MTHFD1L: variants seen among roughly 807,000 people sequenced by gnomAD.
MTHFD1L encodes the protein monofunctional C1-tetrahydrofolate synthase, mitochondrial.
MTHFD1L carries 81 observed loss-of-function variants against 119.5 expected under a neutral mutation model. The observed-to-expected ratio is 0.68, with a 90% CI of 0.57 to 0.82. The LOEUF (loss-of-function observed/expected upper bound fraction) is 0.82, where lower values mean the gene tolerates loss of function less well. Among genes scored for constraint, MTHFD1L ranks in the 40% least tolerant of loss-of-function variants. The pLI is 0.00. For synonymous variants in MTHFD1L, 430 were observed against 475.2 expected (o/e 0.90, Z 1.24); for missense variants, 1,125 against 1,253.4 (o/e 0.90, Z 1.55).
rs1791387340 is a variant in MTHFD1L, at chr6:150,932,874, A to AAGAAG, written c.1257-3930_1257-3929insAGAAG. On this transcript the variant is annotated intron_variant, in intron 11 of 27. Coordinates refer to ENST00000367321, the MANE Select transcript of MTHFD1L (RefSeq NM_015440.5). ...AGAGTAATTAGATTACCTTAAGGAA[A>AAGAAG]GAAGGAAGGAAGGAAGGAAGGAAAA... Among the ~76,000 whole-genome samples, 3 of 144,998 alleles carry AAGAAG rather than the reference A, an allele frequency of 2.1e-5. No homozygotes were observed. In the South Asian group the frequency reaches 6.7e-4, roughly 32 times the overall value.
intron 20 of MTHFD1L, among the ~76,000 whole-genome samples, chr6:150,980,159 A>G (rs1777237861): frequency 6.6e-6 from 1 of 152,142 alleles, no homozygotes; most frequent in Non-Finnish European, 1.5e-5. Context: ...CAAGGTTGAG[A>G]AGTGCTGGCT....
chr6:151,074,231 T>A (rs987535219), intron 26 of MTHFD1L, among the ~76,000 whole-genome samples: 2 of 152,208 alleles, frequency 1.3e-5, no homozygotes, highest in African/African-American at 4.8e-5. Flanking sequence ...CAAAAAGTGT[T>A]ACAGAAATTC....
chr6:150,998,513 G>A (rs996741905), intron 20 of MTHFD1L, among the ~76,000 whole-genome samples: 5 of 151,478 alleles, frequency 3.3e-5, no homozygotes, highest in African/African-American at 1.2e-4. Context: ...TGTTTACACA[G>A]GTTAAGCATC....
chr6:151,095,101 G>T (rs184374065), intron 27 of MTHFD1L, among the ~76,000 whole-genome samples: 2 of 152,294 alleles, frequency 1.3e-5, no homozygotes, highest in African/African-American at 4.8e-5. Context: ...GCTGAGGAGC[G>T]GGAGCTGTGT....
intron 26 of MTHFD1L, among the ~76,000 whole-genome samples, chr6:151,082,368 C>G (rs748226084): frequency 1.2e-4 from 19 of 152,210 alleles, no homozygotes; most frequent in Admixed American, 1.0e-3. Flanking sequence ...TTCTCTCTTA[C>G]AGCCTTATCT....
intron 16 of MTHFD1L, among the ~76,000 whole-genome samples, chr6:150,952,349 T>C: frequency 6.6e-6 from 1 of 152,236 alleles, no homozygotes; most frequent in South Asian, 2.1e-4. Context: ...TAGGGTTTTT[T>C]GGCTTAAACC....
chr6:150,866,654 G>A (rs1166794273), intron 1 of MTHFD1L: 3 of 1,196,124 alleles, frequency 2.5e-6, no homozygotes, highest in Non-Finnish European at 3.1e-6. Context: ...GGGCCCCCGG[G>A]ACAGCCGCCG....
intron 26 of MTHFD1L, among the ~76,000 whole-genome samples, chr6:151,091,028 G>GACTGGGTGCAGCATCGCCCCATGCA (rs1794360338): frequency 7.5e-6 from 1 of 133,552 alleles, no homozygotes; most frequent in Non-Finnish European, 1.6e-5. Context: ...CGTTCCATGC[G>GACTGGGTGCAGCATCGCCCCATGCA]ACTGGGTGCA....
At chr6:150,949,247 C>A in intron 16 of MTHFD1L, 114 bp downstream of exon 16, 3 of 762,526 alleles carry the variant, frequency 3.9e-6, no homozygotes, top group South Asian at 1.7e-5. Context: ...TCTTCCCAGC[C>A]TGTGCTTCAT....
chr6:151,043,040 T>C (rs1787367085), intron 26 of MTHFD1L, among the ~76,000 whole-genome samples: 1 of 152,028 alleles, frequency 6.6e-6, no homozygotes, highest in African/African-American at 2.4e-5. Flanking sequence ...ACCTCAAAAG[T>C]TGGGACAGCA....
Position 151,062,174 on chromosome 6 carries a change from C to A in MTHFD1L, c.2847+25057C>A, listed in dbSNP as rs538627392. 3.3e-5 allele frequency among the ~76,000 whole-genome samples: 5 copies of A among 152,292 alleles called. No homozygotes were observed. The South Asian group carries it at 1.0e-3, about 32-fold the overall frequency. On this transcript the variant is annotated intron_variant, in intron 26 of 27. Transcript: ENST00000367321. ...CTCCAAGGCCGGGTGCGGTGGCTCA[C>A]GCCTGTAATCCCAGCACTTTGGAAG...
At chr6:151,083,220 G>A (rs1041275751) in intron 26 of MTHFD1L, among the ~76,000 whole-genome samples, 17 of 151,038 alleles carry the variant, frequency 1.1e-4, no homozygotes, top group African/African-American at 3.7e-4. Context: ...TTTTTGAGAC[G>A]AAGTCTCACT....
rs556384447 is a variant in MTHFD1L at position 150,938,592 on chromosome 6, T to C, written c.1394-107T>C. ...CTGCCTTTTGTTACTTCATCTTGGG[T>C]GTGACGCCTCTCTGTTGGGTTTGGG... On this transcript the variant is annotated intron_variant, in intron 12 of 27. Transcript: ENST00000367321. 16 of 1,122,172 alleles carry C rather than the reference T, an allele frequency of 1.4e-5. No homozygotes were observed. The African/African-American group carries it at 2.5e-4, about 17-fold the overall frequency. 69.5% of individuals were successfully genotyped at this position (1,122,172 alleles called of 1,614,324 possible).
intron 26 of MTHFD1L, among the ~76,000 whole-genome samples, chr6:151,050,485 G>C (rs529442726): frequency 6.6e-6 from 1 of 152,316 alleles, no homozygotes; most frequent in Admixed American, 6.5e-5. Context: ...ATAATAAACT[G>C]GAAATGTTAA....
chr6:150,933,169 C>T (rs1401557168), intron 11 of MTHFD1L, among the ~76,000 whole-genome samples: 2 of 152,072 alleles, frequency 1.3e-5, no homozygotes, highest in Non-Finnish European at 2.9e-5. Context: ...GGATGGTTAG[C>T]TGGAGTTTTG....
At chr6:150,993,228 A>G (rs1407107872) in intron 20 of MTHFD1L, among the ~76,000 whole-genome samples, 1 of 152,220 alleles carries the variant, frequency 6.6e-6, no homozygotes, top group African/African-American at 2.4e-5. Context: ...CAAGTATGAA[A>G]ATAGTTTTTT....
intron 20 of MTHFD1L, among the ~76,000 whole-genome samples, chr6:151,006,927 A>G (rs1317765747): frequency 6.6e-6 from 1 of 152,112 alleles, no homozygotes; most frequent in Non-Finnish European, 1.5e-5. Context: ...ACAGTTTTTC[A>G]AAATACCATG....
At chr6:151,093,502 C>A (rs1427351507) in intron 27 of MTHFD1L, among the ~76,000 whole-genome samples, 1 of 151,876 alleles carries the variant, frequency 6.6e-6, no homozygotes, top group Admixed American at 6.6e-5. Flanking sequence ...ACTAAAAATA[C>A]GAAAATTAGC....
intron 20 of MTHFD1L, among the ~76,000 whole-genome samples, chr6:150,973,791 G>A (rs2129024119): frequency 6.6e-6 from 1 of 152,290 alleles, no homozygotes; most frequent in Admixed American, 6.5e-5. Context: ...ATGAGAAGTT[G>A]GACCAGATGA....
Sources: gnomAD v4.1 joint callset for allele counts (sites outside exome capture counted in the v4.1 genomes callset) on GRCh38, gnomAD v4.1.1 for gene constraint, MANE v1.5 for transcripts, NCBI Gene and HGNC (gene_info 2026-07-23, HGNC 2026-07-21) for gene names.